Variants in FGD3 observed in about 807,000 individuals in gnomAD.
The protein encoded by FGD3 is FYVE, RhoGEF and PH domain-containing protein 3.
A neutral mutation model predicts 71.8 loss-of-function variants in FGD3; 45 were observed. That is an observed-to-expected ratio of 0.63 (90% CI 0.49 to 0.80). FGD3 has a LOEUF of 0.80. Among genes scored for constraint, FGD3 ranks in the 30% least tolerant of loss-of-function variants. The pLI is 0.00. For missense variants in FGD3, 844 were observed against 951.5 expected (o/e 0.89, Z 1.49); for synonymous variants, 378 against 392.8 (o/e 0.96, Z 0.44).
intron 3 of FGD3, among the ~76,000 whole-genome samples, chr9:92,988,756 A>G (rs984766802): frequency 2.0e-5 from 3 of 152,142 alleles, no homozygotes; most frequent in African/African-American, 7.2e-5. Context: ...CCTTTCCCTG[A>G]GGGGTTGATT....
intron 3 of FGD3, among the ~76,000 whole-genome samples, chr9:92,998,460 A>G (rs1256250578): frequency 6.6e-6 from 1 of 152,200 alleles, no homozygotes; most frequent in Non-Finnish European, 1.5e-5. Flanking sequence ...AATCATCTGA[A>G]GCTTACTTTC....
At chr9:92,992,780 G>C (rs970472486) in intron 3 of FGD3, among the ~76,000 whole-genome samples, 11 of 152,180 alleles carry the variant, frequency 7.2e-5, no homozygotes, top group African/African-American at 2.7e-4. Flanking sequence ...GTGGGTGGTT[G>C]GGGGGTGGGG....
In FGD3 at chr9:93,003,555, T is replaced by C. The variant is rs1860939110; in HGVS notation, c.544-446T>C. On this transcript the variant is annotated intron_variant, in intron 4 of 17. Transcript: ENST00000375482. The surrounding 1 kb of genome is among the most constrained non-coding windows in gnomAD (Gnocchi z 4.1). ...TGTAAATGGCTTCTGGATGTTTTTC[T>C]GCATAAGTACTTGGGACAGGGTTTG... Among the ~76,000 whole-genome samples the C allele has an allele frequency of 6.6e-6, 1 of 152,244 alleles. No homozygotes were observed. The highest frequency in any genetic ancestry group is 1.5e-5 in the Non-Finnish European group (1 of 68,046).
intron 5 of FGD3, 97 bp downstream of exon 5, chr9:93,004,234 C>A (rs1257547719): frequency 6.7e-7 from 1 of 1,501,440 alleles, no homozygotes; most frequent in African/African-American, 1.4e-5. Flanking sequence ...GGGACTGTCT[C>A]ATGGTGGCTG....
At chr9:92,978,812 T>TA (rs1859882756) in intron 3 of FGD3, among the ~76,000 whole-genome samples, 1 of 128,470 alleles carries the variant, frequency 7.8e-6, no homozygotes, top group Non-Finnish European at 1.6e-5. Context: ...TCCCTTCCCT[T>TA]TCCTTGAGAC....
chr9:93,005,909 A>T (rs1861031112), intron 5 of FGD3, 115 bp from the exon 6 acceptor site: 2 of 1,170,856 alleles, frequency 1.7e-6, no homozygotes, highest in South Asian at 3.8e-5. Flanking sequence ...CAATTTGCTC[A>T]CCATCACACA....
intron 3 of FGD3, among the ~76,000 whole-genome samples, chr9:92,986,497 A>C (rs1860191947): frequency 6.6e-6 from 1 of 152,222 alleles, no homozygotes; most frequent in South Asian, 2.1e-4. Context: ...AAGCCTTTAT[A>C]TGCTTACAAA....
Position 93,011,380 on chromosome 9 carries a change from A to G in FGD3, c.1035+108A>G, listed in dbSNP as rs1406439024. ...CCGCTATCCTTTGGGGGGCTCCACA[A>G]GTGACTCTTTTATACCTCCTTCCAC... On this transcript the variant is annotated intron_variant, in intron 8 of 17. Transcript: ENST00000375482. The G allele has an allele frequency of 6.6e-6, 9 of 1,369,592 alleles. No individual in the cohort carries two copies. In the Admixed American group the frequency reaches 7.1e-5, roughly 11 times the overall value. 84.8% of individuals were successfully genotyped at this position (1,369,592 alleles called of 1,614,324 possible).
At position 92,976,357 on chromosome 9, in the gene FGD3, C is replaced by T. The variant is rs369652829; in HGVS notation, c.101C>T (p.Ala34Val). ...AGTTCCTCCCTAGGGAAGCTTCAGG[C>T]GCTCCCTGTTGGGCCCAGAGCCCAC... is the stretch of plus-strand genomic sequence containing the variant. Reference protein sequence around the residue: ...PGSSSLGKLQALPVGPRAHCG... With the variant: ...PGSSSLGKLQVLPVGPRAHCG... The change falls in exon 3 of 18, where the codon GCG becomes GTG. Residue 34 changes from alanine to valine, a missense_variant. Coordinates refer to ENST00000375482, the MANE Select transcript of FGD3 (RefSeq NM_001083536.2). 9.6e-5 allele frequency: 155 copies of T among 1,610,486 alleles called. No individual in the cohort carries two copies. The highest frequency in any genetic ancestry group is 1.3e-4 in the Non-Finnish European group (151 of 1,179,032).
intron 11 of FGD3, among the ~76,000 whole-genome samples, chr9:93,019,380 A>C (rs1861826733): frequency 1.3e-5 from 2 of 152,228 alleles, no homozygotes; most frequent in Non-Finnish European, 2.9e-5. Flanking sequence ...ATGCGGCTGC[A>C]AGCAGTGTCC....
chr9:93,025,762 G>A (rs1407844410), intron 14 of FGD3, among the ~76,000 whole-genome samples: 1 of 152,202 alleles, frequency 6.6e-6, no homozygotes, highest in African/African-American at 2.4e-5. Flanking sequence ...AATCCAAAAG[G>A]TCTCTTAGGG....
rs367624566 is a variant in FGD3, at chr9:92,982,425, G to A, written c.453+5716G>A. Among the ~76,000 whole-genome samples the A allele has an allele frequency of 1.8e-3, 278 of 152,300 alleles. 1 individual carries two copies. The highest frequency in any genetic ancestry group is 6.5e-3 in the African/African-American group (270 of 41,568). On this transcript the variant is annotated intron_variant, in intron 3 of 17. Transcript: ENST00000375482. ...GTTGATTCCATATCTTGGCTGCTGT[G>A]AATAGTGCTGCAATAAACATGGAGG...
chr9:92,950,726 G>C (rs1267414534), intron 1 of FGD3, among the ~76,000 whole-genome samples: 1 of 152,228 alleles, frequency 6.6e-6, no homozygotes, highest in Non-Finnish European at 1.5e-5. Context: ...TGTGGAGGCT[G>C]TGGTAGTCTG....
At chr9:92,980,166 G>A (rs749730250) in intron 3 of FGD3, among the ~76,000 whole-genome samples, 13 of 151,896 alleles carry the variant, frequency 8.6e-5, no homozygotes, top group South Asian at 2.1e-4. Context: ...GACTACAGGC[G>A]TGTGCCACCA....
chr9:93,019,679 T>G, intron 11 of FGD3, 152 bp from the exon 12 acceptor site: 3 of 709,582 alleles, frequency 4.2e-6, no homozygotes, highest in East Asian at 2.8e-5. Flanking sequence ...AGGCCACGAG[T>G]GTTTTGAGGC....
intron 3 of FGD3, among the ~76,000 whole-genome samples, chr9:92,996,857 T>C (rs889706495): frequency 6.6e-6 from 1 of 152,204 alleles, no homozygotes; most frequent in Non-Finnish European, 1.5e-5. Flanking sequence ...TGTTATAGTT[T>C]TTGTTCTTTT....
At chr9:93,015,907 G>A (rs1431632048) in intron 10 of FGD3, 78 bp downstream of exon 10, 18 of 1,298,716 alleles carry the variant, frequency 1.4e-5, no homozygotes, top group Non-Finnish European at 1.9e-5. Context: ...GGCTCTGGCC[G>A]CTGAGGCACT....
chr9:93,031,901 A>G (rs1236687786), intron 15 of FGD3, among the ~76,000 whole-genome samples: 1 of 151,960 alleles, frequency 6.6e-6, no homozygotes, highest in African/African-American at 2.4e-5. Context: ...CGAGGCAGAG[A>G]GAGACAGGAC....
intron 3 of FGD3, among the ~76,000 whole-genome samples, chr9:92,992,444 C>T (rs999477699): frequency 6.6e-5 from 10 of 152,252 alleles, no homozygotes; most frequent in East Asian, 3.9e-4. Flanking sequence ...TTAGATTTTG[C>T]TTGTTGGTTA....
Sources: allele counts gnomAD v4.1 joint callset (sites outside exome capture counted in the v4.1 genomes callset), GRCh38; gene constraint gnomAD v4.1.1; non-coding constraint Gnocchi (gnomAD v3.1); transcripts MANE v1.5; gene names NCBI Gene and HGNC (gene_info 2026-07-23, HGNC 2026-07-21).